The following CIAO2A variants were observed in gnomAD, a reference collection of about 807,000 sequenced individuals.
The protein encoded by CIAO2A is MIP18 family protein FAM96A.
CIAO2A carries 17 observed loss-of-function variants against 22.4 expected under a neutral mutation model. The ratio of observed to expected loss-of-function variants is 0.76; its 90% CI spans 0.52 to 1.14. The LOEUF (loss-of-function observed/expected upper bound fraction) is 1.14, where lower values mean the gene tolerates loss of function less well. Among genes scored for constraint, CIAO2A ranks in the 50% most tolerant of loss-of-function variants. The pLI, the probability that CIAO2A is intolerant of heterozygous loss-of-function variation, is 0.00. For missense variants in CIAO2A, 192 were observed against 191.4 expected (o/e 1.00, Z -0.02); for synonymous variants, 74 against 72.3 (o/e 1.02, Z -0.12).
chr15:64,072,979 G>GT lies in CIAO2A; in HGVS notation c.434dup (p.Asn145LysfsTer14). On this transcript the variant is annotated frameshift_variant, in exon 5 of 5. Transcript: ENST00000300030. LOFTEE classifies it high-confidence loss of function. ...GTTCCACAATTTCCCGTAAGTTGGG[G>GT]TTTTCCATTGCAGCTGCCACTCGCT... The GT allele has an allele frequency of 6.2e-7, 1 of 1,613,920 alleles. No homozygotes were observed. The highest frequency in any genetic ancestry group is 8.5e-7 in the Non-Finnish European group (1 of 1,179,872).
rs546664996 is a variant in CIAO2A at position 64,079,517 on chromosome 15, C to A, written c.339+1585G>T. 5.9e-5 allele frequency among the ~76,000 whole-genome samples: 9 copies of A among 152,264 alleles called. No homozygotes were observed. In the East Asian group the frequency reaches 1.5e-3, roughly 26 times the overall value. On this transcript the variant is annotated intron_variant, in intron 3 of 4. Coordinates refer to ENST00000300030, the MANE Select transcript of CIAO2A (RefSeq NM_032231.7). ...CTCCAGCCTGGGAGACAGAGCAAGACCCTGTCTCAACAGCAAACAAAAAAG... is the reference window on the plus strand; with the variant it reads ...CTCCAGCCTGGGAGACAGAGCAAGAACCTGTCTCAACAGCAAACAAAAAAG...
At position 64,088,742 on chromosome 15, in the gene CIAO2A, C is replaced by A. The variant is rs138828399; in HGVS notation, c.234G>T (p.Leu78=). ...CTGTTGGCGTGAACCTGATAATAAC[C>A]AGATATTCTTCTTCATTTATCTCCT... ...EVQEINEEEY[L]VIIRFTPTVP... is the part of the protein sequence containing the mutation. The change falls in exon 2 of 5, where the codon CTG becomes CTT. Residue 78 remains leucine (L), a synonymous_variant. Transcript: ENST00000300030. The A allele has an allele frequency of 5.8e-5, 94 of 1,613,748 alleles. No homozygotes were observed. The African/African-American group carries it at 1.0e-3, about 18-fold the overall frequency.
chr15:64,084,277 C>A (rs1260482067), intron 2 of CIAO2A, among the ~76,000 whole-genome samples: 3 of 152,066 alleles, frequency 2.0e-5, no homozygotes, highest in African/African-American at 7.2e-5. Flanking sequence ...CAAAGTGTTA[C>A]AATTACAGGT....
intron 4 of CIAO2A, 27 bp from the exon 5 acceptor site, chr15:64,073,055 C>A: frequency 6.6e-7 from 1 of 1,504,298 alleles, no homozygotes; most frequent in Non-Finnish European, 9.2e-7. Flanking sequence ...CAAAAGTTAG[C>A]AGAAGAACTG....
chr15:64,089,887 T>C (rs1049554096), intron 1 of CIAO2A, among the ~76,000 whole-genome samples: 4 of 152,182 alleles, frequency 2.6e-5, no homozygotes, highest in Non-Finnish European at 5.9e-5. Context: ...CAGAATGATT[T>C]TGAGGTGCTT....
At chr15:64,085,841 T>A (rs1225636534) in intron 2 of CIAO2A, among the ~76,000 whole-genome samples, 1 of 151,918 alleles carries the variant, frequency 6.6e-6, no homozygotes, top group Non-Finnish European at 1.5e-5. Flanking sequence ...CCCACGTAGC[T>A]GGGATTACAG....
chr15:64,083,454 T>A (rs1028541741), intron 2 of CIAO2A, among the ~76,000 whole-genome samples: 1 of 152,180 alleles, frequency 6.6e-6, no homozygotes, highest in Non-Finnish European at 1.5e-5. Context: ...CTTGTTCCCT[T>A]GGAGTCTTCC....
At chr15:64,077,808 G>A (rs1470242754) in intron 3 of CIAO2A, among the ~76,000 whole-genome samples, 1 of 152,154 alleles carries the variant, frequency 6.6e-6, no homozygotes, top group Admixed American at 6.6e-5. Flanking sequence ...AGGAGGGACC[G>A]CCATGAAGGA....
chr15:64,081,276 C>T lies in CIAO2A; in HGVS notation c.290-125G>A, dbSNP rs1467306101. On this transcript the variant is annotated intron_variant, in intron 2 of 4. Coordinates refer to ENST00000300030, the MANE Select transcript of CIAO2A (RefSeq NM_032231.7). ...TTGCTGAAAACAGCTTTGGCTCAAT[C>T]CAGAGCAGAGCTCCTTTGAGGCTGG... The T allele has an allele frequency of 4.0e-6, 3 of 754,032 alleles. No homozygotes were observed. In the African/African-American group the frequency reaches 5.3e-5, roughly 13 times the overall value. The allele number at this position is 754,032 out of a possible 1,614,324, so 46.7% of individuals were successfully genotyped here.
chr15:64,079,059 A>C (rs1348087525), intron 3 of CIAO2A, among the ~76,000 whole-genome samples: 2 of 152,120 alleles, frequency 1.3e-5, no homozygotes, highest in East Asian at 3.8e-4. Context: ...ACAAAAAGAA[A>C]GAGCCACGGC....
chr15:64,088,910 G>T, intron 1 of CIAO2A, 59 bp from the exon 2 acceptor site: 1 of 1,506,872 alleles, frequency 6.6e-7, no homozygotes. Flanking sequence ...AAATAAAGAT[G>T]ATTTTGCCAG....
rs373353175 is a variant in CIAO2A at position 64,093,722 on chromosome 15, A to G, written c.47T>C (p.Leu16Pro). Residue 16 changes from leucine to proline, a missense_variant, in exon 1 of 5, where the codon CTG (leucine) becomes CCG (proline). Leu to Pro is a moderately conservative substitution (Grantham distance 98, BLOSUM62 -3). Transcript: ENST00000300030. ...GLLSWTLSRV[L>P]WLSGLSEPGA... is the part of the protein sequence containing the mutation. ...CGGCTCAGAGAGGCCGGAGAGCCAC[A>G]GGACTCTGCTCAGCGTCCAGGAGAG... 74 of 1,613,908 alleles carry G rather than the reference A, an allele frequency of 4.6e-5. No individual in the cohort carries two copies. Among genetic ancestry groups the G allele is most frequent in the Non-Finnish European group, 6.2e-5 (73 of 1,179,930 alleles).
At chr15:64,076,156 T>A (rs561994646) in intron 3 of CIAO2A, among the ~76,000 whole-genome samples, 3 of 152,280 alleles carry the variant, frequency 2.0e-5, no homozygotes, top group African/African-American at 7.2e-5. Context: ...TATGTGTGGT[T>A]TTACTTAAGA....
rs577512744 is a variant in CIAO2A at position 64,075,254 on chromosome 15, T to C, written c.385+238A>G. On this transcript the variant is annotated intron_variant, in intron 4 of 4. Coordinates refer to ENST00000300030, the MANE Select transcript of CIAO2A (RefSeq NM_032231.7). The stretch of plus-strand genomic sequence containing the variant: ...CCCAGCACTGGATATTCTTTACAGA[T>C]GTGTAGCCACTGGCCTAAACCAGTC... 1.9e-5 allele frequency: 7 copies of C among 374,526 alleles called. No individual in the cohort carries two copies. In the East Asian group the frequency reaches 2.5e-4, roughly 13 times the overall value. The allele number at this position is 374,526 out of a possible 1,614,324, so 23.2% of individuals were successfully genotyped here. A position where few individuals can be genotyped will look rare whatever the true frequency, so the allele number is the denominator to read the frequency against.
rs186569047 is a variant in CIAO2A, at chr15:64,093,428, G to A, written c.124+217C>T. Among the ~76,000 whole-genome samples the A allele has an allele frequency of 5.9e-5, 9 of 152,026 alleles. 1 individual carries two copies. The East Asian group carries it at 1.2e-3, about 20-fold the overall frequency. On this transcript the variant is annotated intron_variant, in intron 1 of 4. Transcript: ENST00000300030. ...TCGGCTTGCCCCAGGTTTACGAAGA[G>A]CCCAGTTCCCAGAAAGACCCACACC...
At chr15:64,077,425 C>G (rs1010520668) in intron 3 of CIAO2A, among the ~76,000 whole-genome samples, 1 of 152,228 alleles carries the variant, frequency 6.6e-6, no homozygotes, top group Non-Finnish European at 1.5e-5. Flanking sequence ...TTACACAGGA[C>G]TCATTATTCT....
chr15:64,083,614 C>G (rs72755064), intron 2 of CIAO2A, among the ~76,000 whole-genome samples: 6,902 of 152,150 alleles, frequency 0.045, 200 homozygotes, highest in South Asian at 0.085. Flanking sequence ...GTTGACTGAA[C>G]AAAACTACTA....
chr15:64,089,170 G>A (rs1471877918), intron 1 of CIAO2A, among the ~76,000 whole-genome samples: 1 of 152,172 alleles, frequency 6.6e-6, no homozygotes. Context: ...GGCTTTATAG[G>A]AGCGGAATCT....
In CIAO2A at chr15:64,091,276, G is replaced by C. The variant is rs976064639; in HGVS notation, c.124+2369C>G. On this transcript the variant is annotated intron_variant, in intron 1 of 4. Coordinates refer to ENST00000300030, the MANE Select transcript of CIAO2A (RefSeq NM_032231.7). Reference sequence around the variant, plus strand: ...CAAGTGGATCACCCACCTGAGTTCAGGAGTTCAAGACCAGCCTGGCCAACA... The same window carrying C: ...CAAGTGGATCACCCACCTGAGTTCACGAGTTCAAGACCAGCCTGGCCAACA... Among the ~76,000 whole-genome samples the C allele has an allele frequency of 3.3e-5, 5 of 152,170 alleles. No homozygotes were observed. The South Asian group carries it at 1.0e-3, about 32-fold the overall frequency.
Sources: allele counts gnomAD v4.1 joint callset (sites outside exome capture counted in the v4.1 genomes callset), GRCh38; gene constraint gnomAD v4.1.1; transcripts MANE v1.5; gene names NCBI Gene and HGNC (gene_info 2026-07-23, HGNC 2026-07-21).